The following DPYD variants were observed in gnomAD, a reference collection of about 807,000 sequenced individuals.
DPYD encodes the protein dihydropyrimidine dehydrogenase.
In DPYD, 109 loss-of-function variants were observed where a neutral mutation model predicts 116.2. The observed-to-expected ratio is 0.94, with a 90% CI of 0.80 to 1.10. The LOEUF is 1.10. Ranked by LOEUF, DPYD falls within the 50% of genes least tolerant of loss-of-function variation. The probability of loss-of-function intolerance (pLI) is 0.00; values close to 1 mark genes in which losing one functional copy is unlikely to be tolerated. For synonymous variants in DPYD, 440 were observed against 432.0 expected (o/e 1.02, Z -0.23); for missense variants, 1,302 against 1,254.5 (o/e 1.04, Z -0.57).
chr1:97,500,617 G>A (rs1679524637), intron 13 of DPYD, among the ~76,000 whole-genome samples: 1 of 151,712 alleles, frequency 6.6e-6, no homozygotes, highest in African/African-American at 2.4e-5. Flanking sequence ...TTAATATAAT[G>A]TGAGATAGTG....
chr1:97,776,846 T>C (rs1034940576), intron 3 of DPYD, among the ~76,000 whole-genome samples: 6 of 152,212 alleles, frequency 3.9e-5, no homozygotes, highest in Non-Finnish European at 5.9e-5. Context: ...TTCTTTTTGA[T>C]GTATACTTAG....
rs375488510 is a variant in DPYD, at chr1:97,366,832, T to C, written c.2058+6729A>G. On this transcript the variant is annotated intron_variant, in intron 16 of 22. Transcript: ENST00000370192. Reference sequence around the variant, plus strand: ...CCAGGGAGGCTACTGTGGCTTAAGTTTGTTGTATTTTACAAGTGCTGGGGC... The same window carrying C: ...CCAGGGAGGCTACTGTGGCTTAAGTCTGTTGTATTTTACAAGTGCTGGGGC... 1.4e-4 allele frequency among the ~76,000 whole-genome samples: 22 copies of C among 152,216 alleles called. No individual in the cohort carries two copies. The South Asian group carries it at 4.4e-3, about 30-fold the overall frequency.
At chr1:97,113,472 A>T (rs1482743730) in intron 20 of DPYD, among the ~76,000 whole-genome samples, 1 of 152,110 alleles carries the variant, frequency 6.6e-6, no homozygotes, top group Non-Finnish European at 1.5e-5. Flanking sequence ...TGGGGGGATT[A>T]TGTGTGGAAT....
chr1:97,722,494 T>C (rs2101028180), intron 4 of DPYD, among the ~76,000 whole-genome samples: 2 of 151,714 alleles, frequency 1.3e-5, no homozygotes, highest in South Asian at 2.1e-4. Context: ...TATGAGTGCA[T>C]ATGGAAACTC....
At chr1:97,868,536 C>A (rs375395406) in intron 2 of DPYD, among the ~76,000 whole-genome samples, 1 of 151,668 alleles carries the variant, frequency 6.6e-6, no homozygotes. Context: ...GAGCATTTAC[C>A]ATGTGCTAAA....
chr1:97,261,388 A>C (rs1463670538), intron 18 of DPYD, among the ~76,000 whole-genome samples: 1 of 151,940 alleles, frequency 6.6e-6, no homozygotes, highest in South Asian at 2.1e-4. Context: ...ATTAATGTAG[A>C]GATCCAACTG....
At chr1:97,460,661 A>C (rs1304931837) in intron 13 of DPYD, among the ~76,000 whole-genome samples, 1 of 152,164 alleles carries the variant, frequency 6.6e-6, no homozygotes, top group East Asian at 1.9e-4. Flanking sequence ...ATCTGACTAA[A>C]GGAAATTCTT....
intron 2 of DPYD, among the ~76,000 whole-genome samples, chr1:97,865,481 T>C (rs974860892): frequency 3.3e-5 from 5 of 151,972 alleles, no homozygotes; most frequent in South Asian, 4.1e-4. Context: ...AAAGTTACCA[T>C]AGACTTTCCA....
At chr1:97,511,346 C>T (rs1647783716) in intron 13 of DPYD, among the ~76,000 whole-genome samples, 1 of 151,968 alleles carries the variant, frequency 6.6e-6, no homozygotes, top group Admixed American at 6.6e-5. Flanking sequence ...ATGATAACAA[C>T]TATAACAATG....
intron 20 of DPYD, among the ~76,000 whole-genome samples, chr1:97,113,651 T>C (rs1326987263): frequency 1.3e-5 from 2 of 152,128 alleles, no homozygotes; most frequent in Admixed American, 1.3e-4. Context: ...TATATTTGAA[T>C]ATCAGTTATA....
chr1:97,899,322 A>G (rs1274271808), intron 1 of DPYD, among the ~76,000 whole-genome samples: 3 of 151,816 alleles, frequency 2.0e-5, no homozygotes, highest in Non-Finnish European at 4.4e-5. Context: ...AACTCTTCAC[A>G]TGTTGTCACA....
At chr1:97,193,733 C>T (rs1658552128) in intron 19 of DPYD, among the ~76,000 whole-genome samples, 1 of 152,156 alleles carries the variant, frequency 6.6e-6, no homozygotes. Context: ...CCCTCCTCAT[C>T]TGCTATTGTT....
intron 8 of DPYD, among the ~76,000 whole-genome samples, chr1:97,664,067 C>T (rs1323370730): frequency 1.3e-5 from 2 of 152,110 alleles, no homozygotes; most frequent in East Asian, 1.9e-4. Context: ...AACAAGGTCA[C>T]ATTAATCACA....
At chr1:97,239,297 TG>T (rs1172456922) in intron 18 of DPYD, among the ~76,000 whole-genome samples, 1 of 152,180 alleles carries the variant, frequency 6.6e-6, no homozygotes, top group African/African-American at 2.4e-5. Context: ...CTTAAGAAAA[TG>T]AACTCTCATT....
chr1:97,278,938 G>A (rs1665129584), intron 18 of DPYD, among the ~76,000 whole-genome samples: 1 of 151,428 alleles, frequency 6.6e-6, no homozygotes, highest in African/African-American at 2.4e-5. Context: ...TTTTCCCACA[G>A]CTCTTTGCAG....
At chr1:97,132,716 C>T (rs1221311465) in intron 20 of DPYD, among the ~76,000 whole-genome samples, 2 of 152,054 alleles carry the variant, frequency 1.3e-5, no homozygotes, top group African/African-American at 4.8e-5. Flanking sequence ...AACACCTGAT[C>T]CAATAAATTT....
chr1:97,253,559 A>T (rs1176190061), intron 18 of DPYD, among the ~76,000 whole-genome samples: 1 of 152,126 alleles, frequency 6.6e-6, no homozygotes, highest in East Asian at 1.9e-4. Context: ...CCCTTGTGCC[A>T]TTCTCATCCT....
chr1:97,416,052 A>C (rs1674272565), intron 14 of DPYD, among the ~76,000 whole-genome samples: 1 of 152,240 alleles, frequency 6.6e-6, no homozygotes, highest in South Asian at 2.1e-4. Context: ...AGGAGATGAC[A>C]TATCTAGCAA....
chr1:97,110,127 G>A (rs1379493307), intron 20 of DPYD, among the ~76,000 whole-genome samples: 1 of 152,148 alleles, frequency 6.6e-6, no homozygotes, highest in South Asian at 2.1e-4. Context: ...AGTTTTTGGT[G>A]TTTTAGGAAA....
Sources: gnomAD v4.1 joint callset for allele counts (sites outside exome capture counted in the v4.1 genomes callset) on GRCh38, gnomAD v4.1.1 for gene constraint, MANE v1.5 for transcripts, NCBI Gene and HGNC (gene_info 2026-07-23, HGNC 2026-07-21) for gene names.